MINDY3: variants seen among roughly 807,000 people sequenced by gnomAD.
The protein encoded by MINDY3 is ubiquitin carboxyl-terminal hydrolase MINDY-3.
MINDY3 carries 38 observed loss-of-function variants against 69.2 expected under a neutral mutation model. That is an observed-to-expected ratio of 0.55 (90% CI 0.42 to 0.72). The LOEUF is 0.72. Among genes scored for constraint, MINDY3 ranks in the 30% least tolerant of loss-of-function variants. MINDY3 has a pLI of 0.00. For missense variants in MINDY3, 522 were observed against 519.0 expected (o/e 1.01, Z -0.06); for synonymous variants, 192 against 180.1 (o/e 1.07, Z -0.53).
At position 15,853,683 on chromosome 10, in the gene MINDY3, T is replaced by C. The variant is rs562476938; in HGVS notation, c.95-5740A>G. 6.6e-5 allele frequency among the ~76,000 whole-genome samples: 10 copies of C among 151,976 alleles called. No individual in the cohort carries two copies. In the South Asian group the frequency reaches 2.1e-3, roughly 31 times the overall value. On this transcript the variant is annotated intron_variant, in intron 1 of 14. Transcript: ENST00000277632. The stretch of plus-strand genomic sequence containing the variant: ...TACTGGGTATGATGGTCAAAAGTTA[T>C]CTCAAGGAAAAGTATATGTGTAATT...
chr10:15,778,967 T>G lies in MINDY3; in HGVS notation c.*25A>C, dbSNP rs759325130. 1.2e-6 allele frequency: 2 copies of G among 1,601,488 alleles called. No individual in the cohort carries two copies. Among genetic ancestry groups the G allele is most frequent in the Non-Finnish European group, 8.5e-7 (1 of 1,171,716 alleles). On this transcript the variant is annotated 3_prime_UTR_variant, in exon 15 of 15. Coordinates refer to ENST00000277632, the MANE Select transcript of MINDY3 (RefSeq NM_024948.4). The stretch of plus-strand genomic sequence containing the variant: ...CTTCTTTCAACATCTGTTATTAAGA[T>G]CTTCCTTATAAATACTTAGACAAAT...
intron 9 of MINDY3, among the ~76,000 whole-genome samples, chr10:15,819,732 A>G (rs72781876): frequency 0.03 from 4,630 of 152,216 alleles, 99 homozygotes; most frequent in African/African-American, 0.051. Context: ...TTTGCCTTTC[A>G]CCTATCCAAG....
At chr10:15,859,017 G>C (rs1834894013) in intron 1 of MINDY3, among the ~76,000 whole-genome samples, 3 of 152,170 alleles carry the variant, frequency 2.0e-5, no homozygotes, top group Admixed American at 6.5e-5. Context: ...TAGGAATCGA[G>C]AGACCTGGAA....
At chr10:15,856,253 CTAATA>C (rs1411198618) in intron 1 of MINDY3, among the ~76,000 whole-genome samples, 2 of 151,718 alleles carry the variant, frequency 1.3e-5, no homozygotes, top group Non-Finnish European at 2.9e-5. Context: ...GTATTAACTC[CTAATA>C]TATTTTATAT....
intron 12 of MINDY3, among the ~76,000 whole-genome samples, chr10:15,787,369 A>C (rs1201671776): frequency 1.3e-5 from 2 of 152,184 alleles, no homozygotes; most frequent in Non-Finnish European, 2.9e-5. Context: ...TGGGTTTAAA[A>C]ATGAAAATAG....
In MINDY3 at chr10:15,804,979, AAC is replaced by A. The variant is rs140734351; in HGVS notation, c.883-8809_883-8808del. Among the ~76,000 whole-genome samples the A allele has an allele frequency of 1.1e-3, 166 of 152,278 alleles. 1 individual carries two copies. The highest frequency in any genetic ancestry group is 3.8e-3 in the African/African-American group (157 of 41,572). On this transcript the variant is annotated intron_variant, in intron 10 of 14. Transcript: ENST00000277632. ...TATGGGCAGAGAAATCAGGGTAGGA[AAC>A]ACAGCAGACAGCCCTCTGACGTTCT...
chr10:15,848,661 A>AAAAAAAAAAAAT (rs1834044054), intron 1 of MINDY3, among the ~76,000 whole-genome samples: 1 of 116,288 alleles, frequency 8.6e-6, no homozygotes, highest in African/African-American at 3.6e-5. Context: ...AAAAAAAAAA[A>AAAAAAAAAAAAT]AGAAAGAAAA....
intron 13 of MINDY3, 105 bp downstream of exon 13, chr10:15,786,456 A>G (rs562320621): frequency 1.1e-5 from 8 of 733,610 alleles, no homozygotes; most frequent in Non-Finnish European, 1.7e-5. Context: ...TCTCAGTCTC[A>G]TATCTGCGCA....
chr10:15,850,234 A>G (rs1469761856), intron 1 of MINDY3, among the ~76,000 whole-genome samples: 2 of 152,118 alleles, frequency 1.3e-5, no homozygotes, highest in African/African-American at 4.8e-5. Flanking sequence ...TCGCCTCAGG[A>G]TCCTGTGATG....
intron 3 of MINDY3, among the ~76,000 whole-genome samples, chr10:15,842,850 C>T (rs1000689437): frequency 2.2e-5 from 3 of 138,868 alleles, no homozygotes; most frequent in Non-Finnish European, 4.6e-5. Flanking sequence ...TATACTAAAA[C>T]ATGCAGGAAT....
At chr10:15,834,684 GA>G in intron 6 of MINDY3, 68 bp from the exon 7 acceptor site, 1 of 1,086,220 alleles carries the variant, frequency 9.2e-7, no homozygotes, top group Non-Finnish European at 1.4e-6. Flanking sequence ...TTTAAAAACT[GA>G]CTAGTTTACA....
intron 5 of MINDY3, chr10:15,837,932 T>C: frequency 1.1e-6 from 1 of 941,052 alleles, no homozygotes; most frequent in Non-Finnish European, 1.3e-6. Context: ...ATCTTCATAT[T>C]TGTTTAGGTC....
At chr10:15,796,537 T>C (rs556493486) in intron 10 of MINDY3, among the ~76,000 whole-genome samples, 1 of 151,552 alleles carries the variant, frequency 6.6e-6, no homozygotes, top group East Asian at 1.9e-4. Flanking sequence ...TTTTTCCACA[T>C]TTTTTTGTTC....
At chr10:15,817,258 A>G (rs1839437311) in intron 9 of MINDY3, 1 of 192,656 alleles carries the variant, frequency 5.2e-6, no homozygotes, top group African/African-American at 2.3e-5. Flanking sequence ...GAAACCTCAA[A>G]CCCTAAAACT....
At chr10:15,812,664 T>C (rs1481982665) in intron 10 of MINDY3, among the ~76,000 whole-genome samples, 1 of 152,178 alleles carries the variant, frequency 6.6e-6, no homozygotes, top group Admixed American at 6.5e-5. Flanking sequence ...AAGAAAGTCA[T>C]GTCAGAGAAG....
At chr10:15,846,011 C>T (rs1004981375) in intron 2 of MINDY3, among the ~76,000 whole-genome samples, 1 of 151,136 alleles carries the variant, frequency 6.6e-6, no homozygotes, top group Non-Finnish European at 1.5e-5. Context: ...TTAGTAGAGA[C>T]GAGGTTTCAC....
chr10:15,837,373 T>A, intron 5 of MINDY3, 55 bp from the exon 6 acceptor site: 1 of 1,367,332 alleles, frequency 7.3e-7, no homozygotes, highest in East Asian at 2.3e-5. Context: ...ACTACATTCA[T>A]AAAAGGGAAA....
At chr10:15,779,591 G>A (rs1480598034) in intron 14 of MINDY3, among the ~76,000 whole-genome samples, 1 of 152,190 alleles carries the variant, frequency 6.6e-6, no homozygotes, top group Non-Finnish European at 1.5e-5. Context: ...TGAGGAACAT[G>A]TGTCTCCTTC....
At chr10:15,795,638 T>TAAA (rs1386259571) in intron 11 of MINDY3, among the ~76,000 whole-genome samples, 4 of 152,186 alleles carry the variant, frequency 2.6e-5, no homozygotes, top group Admixed American at 2.0e-4. Context: ...TGTGAACTTC[T>TAAA]AAAAACTATA....
Sources: allele counts gnomAD v4.1 joint callset (sites outside exome capture counted in the v4.1 genomes callset), GRCh38; gene constraint gnomAD v4.1.1; transcripts MANE v1.5; gene names NCBI Gene and HGNC (gene_info 2026-07-23, HGNC 2026-07-21).